Variants in VEGFD observed in about 807,000 individuals in gnomAD.
VEGFD encodes the protein vascular endothelial growth factor D.
A neutral mutation model predicts 28.0 loss-of-function variants in VEGFD; 26 were observed. The observed-to-expected ratio is 0.93, with a 90% CI of 0.68 to 1.29. VEGFD has a LOEUF of 1.29. VEGFD is among the 50% of genes most tolerant of loss of function. The pLI, the probability that VEGFD is intolerant of heterozygous loss-of-function variation, is 0.00. For synonymous variants in VEGFD, 93 were observed against 95.5 expected, an observed-to-expected ratio of 0.97 and a Z score of 0.15; for missense variants, 294 against 273.4, an observed-to-expected ratio of 1.08 and a Z score of -0.53.
intron 2 of VEGFD, among the ~76,000 whole-genome samples, chrX:15,359,093 G>C (rs1338413839): frequency 9.0e-6 from 1 of 110,790 alleles, no homozygotes; most frequent in East Asian, 2.8e-4. Flanking sequence ...ATCTCTTGTG[G>C]TAGGCAGCTT....
chrX:15,365,995 A>AGTCT (rs752899306), intron 1 of VEGFD, among the ~76,000 whole-genome samples: 1 of 109,131 alleles, frequency 9.2e-6, no homozygotes, highest in Non-Finnish European at 1.9e-5. Context: ...TATTCTTCCT[A>AGTCT]GTTTGTTTGT....
intron 5 of VEGFD, among the ~76,000 whole-genome samples, chrX:15,351,272 C>A (rs1206281456): frequency 9.6e-6 from 1 of 103,712 alleles, no homozygotes; most frequent in Non-Finnish European, 2.0e-5. Context: ...CCCGCCACTA[C>A]GCCCGGCTAA....
intron 5 of VEGFD, among the ~76,000 whole-genome samples, chrX:15,351,832 ATATAT>A (rs1375645116): frequency 1.2e-4 from 14 of 112,851 alleles, no homozygotes; most frequent in Admixed American, 2.8e-4. Flanking sequence ...ATTAAATAAA[ATATAT>A]TAAGATAAAT....
chrX:15,355,635 T>A (rs1019841063), intron 3 of VEGFD, among the ~76,000 whole-genome samples: 1 of 112,543 alleles, frequency 8.9e-6, no homozygotes, highest in African/African-American at 3.2e-5. Flanking sequence ...AACTATTTAT[T>A]CATCCCTTCT....
intron 6 of VEGFD, among the ~76,000 whole-genome samples, chrX:15,346,923 C>G (rs1414992994): frequency 9.4e-6 from 1 of 106,197 alleles, no homozygotes; most frequent in Admixed American, 1.0e-4. Flanking sequence ...GAGCGAGACT[C>G]CGTCTAAAAA....
chrX:15,361,826 G>C (rs1923018879), intron 2 of VEGFD, among the ~76,000 whole-genome samples: 1 of 109,842 alleles, frequency 9.1e-6, no homozygotes, highest in Non-Finnish European at 1.9e-5. Flanking sequence ...TACTCACACT[G>C]GTTTTCTTTC....
At chrX:15,382,264 G>C (rs1409614597) in intron 1 of VEGFD, among the ~76,000 whole-genome samples, 1 of 109,953 alleles carries the variant, frequency 9.1e-6, no homozygotes, top group Non-Finnish European at 1.9e-5. Context: ...AGGTTGCAGC[G>C]AGCTGAGATT....
intron 2 of VEGFD, among the ~76,000 whole-genome samples, chrX:15,358,602 A>G (rs763139400): frequency 1.8e-5 from 2 of 112,332 alleles, no homozygotes; most frequent in Admixed American, 1.9e-4. Context: ...AGCCAGGTGT[A>G]GGTAGGTTTT....
At chrX:15,367,986 A>AAAAGAAAGAAAAGAAAGAAAGAAAG (rs1923192075) in intron 1 of VEGFD, among the ~76,000 whole-genome samples, 1 of 66,631 alleles carries the variant, frequency 1.5e-5, no homozygotes, top group African/African-American at 7.2e-5. Flanking sequence ...AAGAAAAAGA[A>AAAAGAAAGAAAAGAAAGAAAGAAAG]AAAGAAAGAA....
chrX:15,347,522 C>A, intron 5 of VEGFD, 163 bp from the exon 6 acceptor site: 2 of 349,093 alleles, frequency 5.7e-6, no homozygotes, highest in Non-Finnish European at 9.8e-6. Context: ...GGAAGATTAA[C>A]CTCTGATTTC....
At chrX:15,373,548 G>T (rs1016467132) in intron 1 of VEGFD, among the ~76,000 whole-genome samples, 1 of 111,851 alleles carries the variant, frequency 8.9e-6, no homozygotes, top group African/African-American at 3.3e-5. Context: ...AATAGAATTT[G>T]TATATTTAGA....
At chrX:15,347,714 G>A (rs1220743932) in intron 5 of VEGFD, among the ~76,000 whole-genome samples, 3 of 112,008 alleles carry the variant, frequency 2.7e-5, no homozygotes, top group African/African-American at 9.7e-5. Flanking sequence ...GAATCTAGCT[G>A]TCTCCATTTT....
At chrX:15,365,474 C>T (rs1923124178) in intron 1 of VEGFD, among the ~76,000 whole-genome samples, 1 of 111,934 alleles carries the variant, frequency 8.9e-6, no homozygotes, top group South Asian at 3.7e-4. Flanking sequence ...CAAACTATGA[C>T]CTCCCAGCCT....
Position 15,379,243 on chromosome X carries a change from A to C in VEGFD, c.90+4614T>G, listed in dbSNP as rs752307496. ...TCCAAGAGAATTGAAACATTGTCTT[A>C]TTTCCTGCTGCATTCCCAGCCCCTA... On this transcript the variant is annotated intron_variant, in intron 1 of 6. Transcript: ENST00000297904. 6.2e-5 allele frequency among the ~76,000 whole-genome samples: 7 copies of C among 112,049 alleles called. No homozygotes were observed. The South Asian group carries it at 2.6e-3, about 42-fold the overall frequency.
intron 1 of VEGFD, among the ~76,000 whole-genome samples, chrX:15,369,350 G>A (rs1279624658): frequency 9.2e-6 from 1 of 108,304 alleles, no homozygotes; most frequent in Admixed American, 9.8e-5. Context: ...CGAGCCTCAG[G>A]GGAAAAAAAA....
intron 1 of VEGFD, among the ~76,000 whole-genome samples, chrX:15,380,180 G>A (rs778163210): frequency 8.9e-5 from 10 of 112,646 alleles, no homozygotes; most frequent in Non-Finnish European, 1.3e-4. Context: ...TGGGCCATTT[G>A]ACCAACATCA....
chrX:15,380,538 A>G (rs1399901132), intron 1 of VEGFD, among the ~76,000 whole-genome samples: 1 of 112,894 alleles, frequency 8.9e-6, no homozygotes, highest in African/African-American at 3.2e-5. Context: ...AAGCAGAAAG[A>G]AACAAATTCT....
chrX:15,372,997 G>A (rs1366482445), intron 1 of VEGFD, among the ~76,000 whole-genome samples: 1 of 111,417 alleles, frequency 9.0e-6, no homozygotes, highest in Non-Finnish European at 1.9e-5. Flanking sequence ...CTTATATGAT[G>A]CCATCCTAAA....
chrX:15,377,651 C>T (rs1923469298), intron 1 of VEGFD, among the ~76,000 whole-genome samples: 2 of 112,039 alleles, frequency 1.8e-5, no homozygotes, highest in Admixed American at 9.5e-5. Flanking sequence ...GCCTTCTGAG[C>T]GCATGGTGGG....
Sources: allele counts gnomAD v4.1 joint callset (sites outside exome capture counted in the v4.1 genomes callset), GRCh38; gene constraint gnomAD v4.1.1; transcripts MANE v1.5; gene names NCBI Gene and HGNC (gene_info 2026-07-23, HGNC 2026-07-21).